The following VPS8 variants were observed in gnomAD, a reference collection of about 807,000 sequenced individuals.
The protein encoded by VPS8 is vacuolar protein sorting-associated protein 8 homolog.
Under a neutral mutation model 216.4 loss-of-function variants are expected in VPS8, and 129 were observed. The ratio of observed to expected loss-of-function variants is 0.60; its 90% CI spans 0.52 to 0.69. The LOEUF (loss-of-function observed/expected upper bound fraction) is 0.69, where lower values mean the gene tolerates loss of function less well. VPS8 is among the 30% of genes least tolerant of loss of function. VPS8 has a pLI of 0.00. For synonymous variants in VPS8, 571 were observed against 565.4 expected, an observed-to-expected ratio of 1.01 and a Z score of -0.14; for missense variants, 1,531 against 1,683.5, an observed-to-expected ratio of 0.91 and a Z score of 1.59.
intron 35 of VPS8, among the ~76,000 whole-genome samples, chr3:184,939,523 A>G (rs902818980): frequency 1.3e-5 from 2 of 151,634 alleles, no homozygotes; most frequent in Non-Finnish European, 2.9e-5. Context: ...CTACTACCCA[A>G]TGTGGAAGGC....
chr3:184,863,587 G>T (rs1257614063), intron 16 of VPS8, among the ~76,000 whole-genome samples: 2 of 152,148 alleles, frequency 1.3e-5, no homozygotes, highest in Non-Finnish European at 2.9e-5. Context: ...TGAGATGCAG[G>T]AGCCTAGAGA....
chr3:184,968,890 A>G (rs1406926189), intron 39 of VPS8, among the ~76,000 whole-genome samples: 1 of 152,060 alleles, frequency 6.6e-6, no homozygotes, highest in Non-Finnish European at 1.5e-5. Context: ...ACTTACCTAT[A>G]TTTTTGTATT....
intron 45 of VPS8, among the ~76,000 whole-genome samples, chr3:185,013,546 A>C (rs1378551101): frequency 6.6e-6 from 1 of 152,188 alleles, no homozygotes; most frequent in African/African-American, 2.4e-5. Flanking sequence ...GATACTTTAA[A>C]TATTTGTTCT....
At chr3:185,039,824 C>T (rs1455381040) in intron 46 of VPS8, among the ~76,000 whole-genome samples, 2 of 152,138 alleles carry the variant, frequency 1.3e-5, no homozygotes, top group African/African-American at 2.4e-5. Context: ...TCAGCGAGCT[C>T]ATTCTGCACA....
chr3:184,905,163 A>G (rs547383434), intron 25 of VPS8, among the ~76,000 whole-genome samples: 2 of 152,272 alleles, frequency 1.3e-5, no homozygotes, highest in Admixed American at 6.5e-5. Flanking sequence ...CTCATGACTT[A>G]AACACCTCCC....
At chr3:184,876,804 C>T (rs1560490907) in intron 21 of VPS8, among the ~76,000 whole-genome samples, 1 of 152,188 alleles carries the variant, frequency 6.6e-6, no homozygotes, top group African/African-American at 2.4e-5. Flanking sequence ...TCATTTCCCT[C>T]TTGGTATATT....
chr3:185,043,211 A>G (rs188994203), intron 46 of VPS8, among the ~76,000 whole-genome samples: 108 of 152,332 alleles, frequency 7.1e-4, no homozygotes, highest in Non-Finnish European at 1.3e-3. Context: ...TAGACCTGTT[A>G]TCAAGAGTTA....
chr3:184,921,581 C>CT (rs201233527), intron 29 of VPS8, among the ~76,000 whole-genome samples: 3,165 of 148,406 alleles, frequency 0.021, 95 homozygotes, highest in African/African-American at 0.073. Flanking sequence ...TCTTCTTCTT[C>CT]TTTTTTTTTT....
intron 42 of VPS8, among the ~76,000 whole-genome samples, chr3:184,985,638 G>A (rs538888620): frequency 4.6e-5 from 7 of 152,166 alleles, no homozygotes; most frequent in Non-Finnish European, 8.8e-5. Context: ...TGCCTCCTGG[G>A]TCCAGCTGAT....
At chr3:185,044,148 C>T (rs1206976361) in intron 46 of VPS8, among the ~76,000 whole-genome samples, 1 of 152,150 alleles carries the variant, frequency 6.6e-6, no homozygotes, top group Non-Finnish European at 1.5e-5. Context: ...TGATATCGTG[C>T]CACTGCACTC....
intron 3 of VPS8, among the ~76,000 whole-genome samples, chr3:184,828,540 A>G (rs779341422): frequency 8.5e-5 from 13 of 152,080 alleles, no homozygotes; most frequent in African/African-American, 1.4e-4. Context: ...CTTTGAAACT[A>G]TGCTTCTTCT....
chr3:184,912,381 A>C (rs577991325), intron 25 of VPS8, among the ~76,000 whole-genome samples: 2 of 152,256 alleles, frequency 1.3e-5, no homozygotes, highest in African/African-American at 4.8e-5. Context: ...ATTAATTTAC[A>C]TTGTCAGGGT....
At chr3:185,021,484 T>A (rs1051754102) in intron 45 of VPS8, among the ~76,000 whole-genome samples, 14 of 152,252 alleles carry the variant, frequency 9.2e-5, no homozygotes, top group African/African-American at 3.4e-4. Flanking sequence ...GTCACTTTTT[T>A]AAGCTTAAAT....
intron 35 of VPS8, 51 bp from the exon 36 acceptor site, chr3:184,940,146 G>GA: frequency 8.6e-7 from 1 of 1,163,740 alleles, no homozygotes. Context: ...TGGAATATTT[G>GA]AAAAATTTGT....
intron 22 of VPS8, among the ~76,000 whole-genome samples, chr3:184,886,742 G>A (rs1027787176): frequency 8.6e-5 from 13 of 151,912 alleles, no homozygotes; most frequent in Non-Finnish European, 1.5e-4. Context: ...GCCACACCCG[G>A]CTAATTTTTT....
Position 185,052,387 on chromosome 3 carries a change from C to G in VPS8, c.*362C>G, listed in dbSNP as rs1203967722. 2 of 187,446 alleles carry G rather than the reference C, an allele frequency of 1.1e-5. No individual in the cohort carries two copies. The highest frequency in any genetic ancestry group is 2.2e-5 in the Non-Finnish European group (2 of 91,072). The allele number at this position is 187,446 out of a possible 1,614,324, so 11.6% of individuals were successfully genotyped here. A position where few individuals can be genotyped will look rare whatever the true frequency, so the allele number is the denominator to read the frequency against. On this transcript the variant is annotated 3_prime_UTR_variant, in exon 48 of 48. Transcript: ENST00000625842. ...ACTCACACAAATGGCATTCCAGAGT[C>G]TGCCATACTCCGTCTCCTCCAGCTG...
At chr3:184,816,751 G>C (rs543125206) in intron 1 of VPS8, among the ~76,000 whole-genome samples, 15 of 152,322 alleles carry the variant, frequency 9.8e-5, no homozygotes, top group African/African-American at 3.6e-4. Flanking sequence ...GGAACTGCAT[G>C]GCGTTTGTTA....
chr3:184,863,803 G>T (rs1726839486), intron 16 of VPS8, among the ~76,000 whole-genome samples: 1 of 152,118 alleles, frequency 6.6e-6, no homozygotes, highest in Admixed American at 6.6e-5. Flanking sequence ...GAAAAAAATA[G>T]TAATGATGGT....
intron 37 of VPS8, among the ~76,000 whole-genome samples, chr3:184,962,724 AGTGT>A (rs10562348): frequency 0.056 from 8,177 of 145,772 alleles, 336 homozygotes; most frequent in African/African-American, 0.12. Context: ...TTAAGGCTTA[AGTGT>A]GTGTGTGTGT....
Sources: gnomAD v4.1 joint callset for allele counts (sites outside exome capture counted in the v4.1 genomes callset) on GRCh38, gnomAD v4.1.1 for gene constraint, MANE v1.5 for transcripts, NCBI Gene and HGNC (gene_info 2026-07-23, HGNC 2026-07-21) for gene names.